The following WDR17 variants were observed in gnomAD, a reference collection of about 807,000 sequenced individuals.
WDR17 encodes the protein WD repeat domain 17.
A neutral mutation model predicts 161.7 loss-of-function variants in WDR17; 143 were observed. That is an observed-to-expected ratio of 0.88 (90% confidence interval 0.77 to 1.02). The LOEUF is 1.02. Ranked by LOEUF, WDR17 falls within the 50% of genes least tolerant of loss-of-function variation. WDR17 has a pLI of 0.00. For missense variants in WDR17, 1,469 were observed against 1,520.9 expected, an observed-to-expected ratio of 0.97 and a Z score of 0.57; for synonymous variants, 517 against 515.6, an observed-to-expected ratio of 1.00 and a Z score of -0.04.
intron 1 of WDR17, among the ~76,000 whole-genome samples, chr4:176,109,132 A>G (rs1739293029): frequency 6.6e-6 from 1 of 152,174 alleles, no homozygotes; most frequent in Non-Finnish European, 1.5e-5. Flanking sequence ...TTTTTCTTTA[A>G]TTATGTTTCT....
intron 20 of WDR17, 152 bp from the exon 21 acceptor site, chr4:176,161,923 C>T (rs1450654556): frequency 1.7e-6 from 1 of 574,348 alleles, no homozygotes; most frequent in Non-Finnish European, 3.0e-6. Flanking sequence ...AGACCACTTT[C>T]CTGATTTATT....
intron 1 of WDR17, among the ~76,000 whole-genome samples, chr4:176,110,072 G>A (rs894232331): frequency 2.0e-5 from 3 of 152,124 alleles, no homozygotes; most frequent in Admixed American, 6.5e-5. Flanking sequence ...TTTACCTGGT[G>A]TAACTTTGTA....
intron 16 of WDR17, 33 bp from the exon 17 acceptor site, chr4:176,151,778 AT>A: frequency 1.3e-6 from 2 of 1,533,616 alleles, no homozygotes; most frequent in South Asian, 1.3e-5. Context: ...AATATGTCAA[AT>A]TTTTTTAAAT....
Position 176,128,752 on chromosome 4 carries a change from G to A in WDR17, c.805G>A (p.Val269Ile), listed in dbSNP as rs1742863177. ...GATCTGACTAGATTCTCAAGTGGGT[G>A]TTTTACGCATTTGGAATGTTTCAAG... ...MFITGDSQVG[V>I]LRIWNVSRTT... The change falls in exon 6 of 29, where the codon GTT becomes ATT. Residue 269 changes from valine to isoleucine, a missense_variant. Coordinates refer to ENST00000508596, the MANE Select transcript of WDR17 (RefSeq NM_181265.4). 14 of 1,599,078 alleles carry A rather than the reference G, an allele frequency of 8.8e-6. No individual in the cohort carries two copies. The highest frequency in any genetic ancestry group is 1.2e-5 in the Non-Finnish European group (14 of 1,175,390).
Position 176,174,692 on chromosome 4 carries a change from T to C in WDR17, c.3423T>C (p.Ile1141=). The part of the protein sequence containing the change: ...LLAIRRQYQS[I]VPALYEYTSQ... ...CTATCAGAAGACAGTACCAAAGCAT[T>C]GTTCCAGCACTTTATGAGTACACAA... Residue 1141 remains isoleucine, a synonymous_variant, in exon 26 of 29, where the codon ATT becomes ATC. Coordinates refer to ENST00000508596, the MANE Select transcript of WDR17 (RefSeq NM_181265.4). 2 of 1,611,580 alleles carry C rather than the reference T, an allele frequency of 1.2e-6. No homozygotes were observed. The highest frequency in any genetic ancestry group is 1.1e-5 in the South Asian group (1 of 90,708).
Position 176,128,805 on chromosome 4 carries a change from A to T in WDR17, c.858A>T (p.Leu286Phe). 6.2e-7 allele frequency: 1 copy of T among 1,607,274 alleles called. No individual in the cohort carries two copies. The highest frequency in any genetic ancestry group is 8.5e-7 in the Non-Finnish European group (1 of 1,177,128). ...SRTTPIDNLKLKKTGFHCLHV... is the reference protein window; with the variant it reads ...SRTTPIDNLKFKKTGFHCLHV... ...CAACACCTATTGATAATCTTAAATT[A>T]AAGAAAACAGGATTTCACTGCTTAC... Residue 286 changes from leucine to phenylalanine, a missense_variant, in exon 6 of 29, where the codon TTA (leucine) becomes TTT (phenylalanine). Leu to Phe is a conservative substitution (Grantham distance 22, BLOSUM62 0). Coordinates refer to ENST00000508596, the MANE Select transcript of WDR17 (RefSeq NM_181265.4).
intron 19 of WDR17, among the ~76,000 whole-genome samples, chr4:176,160,646 T>C (rs190658519): frequency 1.3e-5 from 2 of 152,318 alleles, no homozygotes; most frequent in Admixed American, 1.3e-4. Context: ...TCTTTAAACA[T>C]ACAAGCATCT....
chr4:176,151,776 A>C, intron 16 of WDR17, 36 bp from the exon 17 acceptor site: 1 of 1,531,098 alleles, frequency 6.5e-7, no homozygotes, highest in Non-Finnish European at 8.8e-7. Context: ...AAAATATGTC[A>C]AATTTTTTTA....
At chr4:176,096,769 T>C (rs568683469) in intron 1 of WDR17, among the ~76,000 whole-genome samples, 1 of 152,058 alleles carries the variant, frequency 6.6e-6, no homozygotes, top group South Asian at 2.1e-4. Flanking sequence ...GGTAATTATA[T>C]AGTGAAGAAG....
rs1454324296 is a variant in WDR17 at position 176,181,736 on chromosome 4, C to T, written c.*2157C>T. The T allele has an allele frequency of 6.6e-6, 1 of 152,380 alleles. No homozygotes were observed. Among genetic ancestry groups the T allele is most frequent in the Non-Finnish European group, 1.5e-5 (1 of 68,052 alleles). The allele number at this position is 152,380 out of a possible 1,614,324, so 9.4% of individuals were successfully genotyped here. A position where few individuals can be genotyped will look rare whatever the true frequency, so the allele number is the denominator to read the frequency against. On this transcript the variant is annotated 3_prime_UTR_variant, in exon 29 of 29. Transcript: ENST00000508596. The stretch of plus-strand genomic sequence containing the variant: ...AAGCCTATCTTTTTGTGCTTACATA[C>T]TTAAAAGGATATCATTAAGTATATA...
intron 12 of WDR17, 93 bp downstream of exon 12, chr4:176,146,252 T>C (rs1449837793): frequency 1.5e-6 from 2 of 1,313,718 alleles, no homozygotes; most frequent in African/African-American, 1.5e-5. Flanking sequence ...TATATAGATA[T>C]ATACAGAGTC....
In WDR17 at chr4:176,125,325, C is replaced by T. The variant is rs1360605322; in HGVS notation, c.760C>T (p.Pro254Ser). The T allele has an allele frequency of 6.2e-7, 1 of 1,613,980 alleles. No individual in the cohort carries two copies. The highest frequency in any genetic ancestry group is 1.3e-5 in the African/African-American group (1 of 74,908). The stretch of plus-strand genomic sequence containing the variant: ...TTCTGTACAGTGCTTAGCCTGGGTT[C>T]CCAGTGCTCCTGGGATGTTTATAAC... ...AASVQCLAWV[P>S]SAPGMFITGD... is the part of the protein sequence containing the mutation. Residue 254 changes from proline to serine, a missense_variant, in exon 5 of 29, where the codon CCC becomes TCC. Transcript: ENST00000508596.
intron 17 of WDR17, among the ~76,000 whole-genome samples, chr4:176,152,776 A>C (rs1163923155): frequency 2.0e-5 from 3 of 148,784 alleles, no homozygotes; most frequent in Non-Finnish European, 3.0e-5. Context: ...CTCTTCTAAA[A>C]ATATAAAAAT....
At chr4:176,121,428 C>T (rs944129018) in intron 4 of WDR17, among the ~76,000 whole-genome samples, 1 of 150,450 alleles carries the variant, frequency 6.6e-6, no homozygotes, top group Non-Finnish European at 1.5e-5. Context: ...TGTGGTTCCT[C>T]CTCTTACCTC....
At chr4:176,153,526 G>C (rs915381443) in intron 17 of WDR17, among the ~76,000 whole-genome samples, 30 of 152,188 alleles carry the variant, frequency 2.0e-4, no homozygotes, top group African/African-American at 6.7e-4. Flanking sequence ...AAACTTATTG[G>C]ACCTTTCCCT....
chr4:176,167,658 A>AAAC lies in WDR17; in HGVS notation c.2991-1012_2991-1011insCAA, dbSNP rs1554036535. Among the ~76,000 whole-genome samples, 60 of 69,672 alleles carry AAAC rather than the reference A, an allele frequency of 8.6e-4. 4 individuals are homozygous for AAAC. The highest frequency in any genetic ancestry group is 2.4e-3 in the African/African-American group (54 of 22,684). 45.7% of individuals were successfully genotyped at this position (69,672 alleles called of 152,430 possible). Reference sequence around the variant, plus strand: ...AGACTCCGTCTCAAAAAAAAAAAAAAAAAAAAAAAAAAAACAATATCTTGA... The same window carrying AAAC: ...AGACTCCGTCTCAAAAAAAAAAAAAAAACAAAAAAAAAAAAAACAATATCTTGA... On this transcript the variant is annotated intron_variant, in intron 22 of 28. Transcript: ENST00000508596.
At chr4:176,156,566 G>A (rs1350030739) in intron 18 of WDR17, among the ~76,000 whole-genome samples, 1 of 151,962 alleles carries the variant, frequency 6.6e-6, no homozygotes, top group Non-Finnish European at 1.5e-5. Context: ...GGGAGGCACT[G>A]ATGATAAAGA....
chr4:176,102,423 A>G (rs1019464813), intron 1 of WDR17, among the ~76,000 whole-genome samples: 1 of 152,202 alleles, frequency 6.6e-6, no homozygotes, highest in African/African-American at 2.4e-5. Context: ...GATCTTATGG[A>G]AGACAGTTTG....
chr4:176,163,469 A>T (rs994373215), intron 22 of WDR17, among the ~76,000 whole-genome samples, 176 bp downstream of exon 22: 10 of 152,216 alleles, frequency 6.6e-5, no homozygotes, highest in Admixed American at 5.9e-4. Context: ...GAGAACTATC[A>T]TGGTTGTATA....
Sources: allele counts gnomAD v4.1 joint callset (sites outside exome capture counted in the v4.1 genomes callset), GRCh38; gene constraint gnomAD v4.1.1; transcripts MANE v1.5; gene names NCBI Gene and HGNC (gene_info 2026-07-23, HGNC 2026-07-21).